The following DMD variants were observed in gnomAD, a reference collection of about 807,000 sequenced individuals.
DMD encodes the protein dystrophin.
Under a neutral mutation model 330.1 loss-of-function variants are expected in DMD, and 63 were observed. The observed-to-expected ratio is 0.19, with a 90% CI of 0.16 to 0.24. The LOEUF (loss-of-function observed/expected upper bound fraction) is 0.24. Among genes scored for constraint, DMD ranks in the 10% least tolerant of loss-of-function variants. The pLI is 1.00. For missense variants in DMD, 3,344 were observed against 2,684.1 expected (o/e 1.25, Z -5.43); for synonymous variants, 1,223 against 959.8 (o/e 1.27, Z -5.07).
At chrX:32,541,569 G>T (rs899823721) in intron 17 of DMD, among the ~76,000 whole-genome samples, 2 of 111,981 alleles carry the variant, frequency 1.8e-5, no homozygotes, top group African/African-American at 6.5e-5. Context: ...AAATACCACA[G>T]GTTCTTACCT....
At chrX:33,310,041 C>G (rs1333394146) in intron 1 of DMD, among the ~76,000 whole-genome samples, 1 of 110,474 alleles carries the variant, frequency 9.1e-6, no homozygotes, top group Non-Finnish European at 1.9e-5. Context: ...TGTGGGGTAA[C>G]AAAGTTAAAA....
At chrX:32,392,431 A>G (rs1284037870) in intron 30 of DMD, among the ~76,000 whole-genome samples, 1 of 110,637 alleles carries the variant, frequency 9.0e-6, no homozygotes, top group Non-Finnish European at 1.9e-5. Flanking sequence ...GCTAATTTTT[A>G]TATTTTTTAG....
intron 44 of DMD, among the ~76,000 whole-genome samples, chrX:32,192,265 A>G (rs1308425373): frequency 1.8e-5 from 2 of 111,716 alleles, no homozygotes; most frequent in African/African-American, 6.5e-5. Flanking sequence ...CATGCTTTCT[A>G]CCACAGGCTA....
intron 60 of DMD, among the ~76,000 whole-genome samples, chrX:31,408,483 G>A (rs2061498121): frequency 9.1e-6 from 1 of 110,234 alleles, no homozygotes; most frequent in Admixed American, 9.7e-5. Context: ...TCAGCTCACT[G>A]CAACCTCTGC....
chrX:32,631,473 G>C (rs376762644), intron 11 of DMD, among the ~76,000 whole-genome samples: 241 of 111,751 alleles, frequency 2.2e-3, no homozygotes, highest in African/African-American at 7.5e-3. Context: ...CAGGGCCTGG[G>C]GTCATGTATT....
chrX:32,536,963 A>G (rs2048048694), intron 17 of DMD, among the ~76,000 whole-genome samples: 1 of 112,132 alleles, frequency 8.9e-6, no homozygotes, highest in Non-Finnish European at 1.9e-5. Context: ...TCAGTTAAAA[A>G]TTTCATACAG....
At chrX:32,116,154 G>T (rs1440142143) in intron 44 of DMD, among the ~76,000 whole-genome samples, 1 of 111,234 alleles carries the variant, frequency 9.0e-6, no homozygotes, top group Non-Finnish European at 1.9e-5. Context: ...TGTTGGCTAG[G>T]TCAAGTCTCT....
At chrX:32,783,221 C>T (rs1384168293) in intron 7 of DMD, among the ~76,000 whole-genome samples, 7 of 94,707 alleles carry the variant, frequency 7.4e-5, no homozygotes, top group East Asian at 3.3e-4. Context: ...TGTGTATATA[C>T]GTGTATACGT....
chrX:31,763,971 G>A (rs1263941700), intron 51 of DMD, among the ~76,000 whole-genome samples: 1 of 111,018 alleles, frequency 9.0e-6, no homozygotes, highest in Admixed American at 9.6e-5. Flanking sequence ...GAACTCCTGG[G>A]CCCAAGAGAT....
intron 44 of DMD, among the ~76,000 whole-genome samples, chrX:32,075,295 T>C (rs1409421723): frequency 8.9e-6 from 1 of 112,081 alleles, no homozygotes; most frequent in African/African-American, 3.2e-5. Context: ...GTAGGATTTT[T>C]TTCAGTTGGA....
intron 62 of DMD, among the ~76,000 whole-genome samples, chrX:31,300,173 C>A (rs943159654): frequency 2.7e-5 from 3 of 111,913 alleles, no homozygotes; most frequent in African/African-American, 9.8e-5. Context: ...TTCTGGGTCA[C>A]CCCCTATTCA....
At chrX:32,418,592 A>G (rs2098175612) in intron 29 of DMD, among the ~76,000 whole-genome samples, 1 of 111,394 alleles carries the variant, frequency 9.0e-6, no homozygotes, top group African/African-American at 3.3e-5. Flanking sequence ...TGAACAACCA[A>G]TTTAAATTCC....
chrX:31,940,902 CA>C (rs2094989825), intron 45 of DMD, among the ~76,000 whole-genome samples: 1 of 111,224 alleles, frequency 9.0e-6, no homozygotes, highest in South Asian at 3.8e-4. Context: ...AGATGTGGCC[CA>C]AAAGCCTTCT....
intron 2 of DMD, among the ~76,000 whole-genome samples, chrX:32,859,725 T>C (rs1458226439): frequency 9.0e-6 from 1 of 111,367 alleles, no homozygotes; most frequent in African/African-American, 3.3e-5. Flanking sequence ...CTTTTGACTA[T>C]TTTTAAGTAT....
chrX:31,976,665 C>T (rs141861098), intron 44 of DMD, among the ~76,000 whole-genome samples: 11 of 110,617 alleles, frequency 9.9e-5, no homozygotes, highest in African/African-American at 3.3e-4. Flanking sequence ...GTTTTCCTAC[C>T]CTAACTCCCA....
intron 7 of DMD, among the ~76,000 whole-genome samples, chrX:32,792,276 C>T (rs894264575): frequency 7.2e-5 from 8 of 110,680 alleles, no homozygotes; most frequent in Admixed American, 6.7e-4. Context: ...TGACAACTAC[C>T]ATCATGAAAA....
intron 29 of DMD, among the ~76,000 whole-genome samples, chrX:32,436,587 T>C (rs933348963): frequency 9.0e-6 from 1 of 111,422 alleles, no homozygotes; most frequent in African/African-American, 3.3e-5. Flanking sequence ...TATAATTACA[T>C]TAATAGAGTT....
At chrX:32,618,830 TA>T (rs999979534) in intron 11 of DMD, among the ~76,000 whole-genome samples, 1 of 110,283 alleles carries the variant, frequency 9.1e-6, no homozygotes, top group Non-Finnish European at 1.9e-5. Context: ...AATTACTAAT[TA>T]AAAAAAAGAA....
At chrX:32,361,539 T>A (rs1283596064) in intron 37 of DMD, among the ~76,000 whole-genome samples, 2 of 111,760 alleles carry the variant, frequency 1.8e-5, no homozygotes, top group Non-Finnish European at 3.8e-5. Context: ...AACTTTTTAA[T>A]TTGGGAAGGT....
Sources: allele counts gnomAD v4.1 joint callset (sites outside exome capture counted in the v4.1 genomes callset), GRCh38; gene constraint gnomAD v4.1.1; transcripts MANE v1.5; gene names NCBI Gene and HGNC (gene_info 2026-07-23, HGNC 2026-07-21).